Variants in MAPRE2 observed in about 807,000 individuals in gnomAD.
MAPRE2 encodes microtubule-associated protein RP/EB family member 2.
MAPRE2 carries 13 observed loss-of-function variants against 43.2 expected under a neutral mutation model. The ratio of observed to expected loss-of-function variants is 0.30; its 90% CI spans 0.20 to 0.48. The LOEUF (loss-of-function observed/expected upper bound fraction) is 0.48. Among genes scored for constraint, MAPRE2 ranks in the 20% least tolerant of loss-of-function variants. MAPRE2 has a pLI of 0.99. For missense variants in MAPRE2, 161 were observed against 400.2 expected (o/e 0.40, Z 5.10); for synonymous variants, 135 against 148.8 (o/e 0.91, Z 0.68).
At chr18:35,138,336 C>T (rs577628454) in intron 6 of MAPRE2, among the ~76,000 whole-genome samples, 1 of 151,980 alleles carries the variant, frequency 6.6e-6, no homozygotes, top group Non-Finnish European at 1.5e-5. Flanking sequence ...AGAGATTGGG[C>T]CTAACGTTCC....
intron 1 of MAPRE2, among the ~76,000 whole-genome samples, chr18:34,997,058 A>G (rs989718735): frequency 1.3e-5 from 2 of 152,076 alleles, no homozygotes; most frequent in Admixed American, 6.5e-5. Flanking sequence ...GGGGGGTGGG[A>G]GGTTTACAAC....
chr18:35,012,662 T>C (rs539872488), intron 2 of MAPRE2, among the ~76,000 whole-genome samples: 2 of 152,324 alleles, frequency 1.3e-5, no homozygotes, highest in South Asian at 4.1e-4. Flanking sequence ...AAATACTGTA[T>C]GATTCCACTT....
chr18:35,033,062 A>G (rs2097048593), intron 2 of MAPRE2, among the ~76,000 whole-genome samples: 1 of 152,148 alleles, frequency 6.6e-6, no homozygotes, highest in African/African-American at 2.4e-5. Context: ...GTCACCAAAA[A>G]AGAGAATTTT....
At chr18:35,135,138 G>C (rs941974226) in intron 6 of MAPRE2, among the ~76,000 whole-genome samples, 4 of 152,170 alleles carry the variant, frequency 2.6e-5, no homozygotes, top group Non-Finnish European at 5.9e-5. Context: ...GCAACTTTGT[G>C]TCTGCAAAAC....
At chr18:35,044,807 T>C (rs576401155) in intron 1 of MAPRE2, among the ~76,000 whole-genome samples, 1 of 152,314 alleles carries the variant, frequency 6.6e-6, no homozygotes, top group East Asian at 1.9e-4. Context: ...CAGTCACTCT[T>C]TGGAGAAGGA....
intron 2 of MAPRE2, among the ~76,000 whole-genome samples, chr18:35,096,966 T>C (rs1908455122): frequency 6.6e-6 from 1 of 152,228 alleles, no homozygotes; most frequent in Non-Finnish European, 1.5e-5. Flanking sequence ...CTTGAGCATA[T>C]GTGTATTTTT....
intron 2 of MAPRE2, among the ~76,000 whole-genome samples, chr18:35,016,920 G>T (rs2150585638): frequency 6.6e-6 from 1 of 151,650 alleles, no homozygotes; most frequent in South Asian, 2.1e-4. Context: ...TTTTTTCTAG[G>T]ATTCTTACAA....
In MAPRE2 at chr18:35,041,653, T is replaced by C. The variant is rs993749088; in HGVS notation, c.114T>C (p.Arg38=). 30 of 1,614,028 alleles carry C rather than the reference T, an allele frequency of 1.9e-5. No individual in the cohort carries two copies. Among genetic ancestry groups the C allele is most frequent in the Non-Finnish European group, 2.2e-5 (26 of 1,180,034 alleles). The change falls in exon 1 of 7, where the codon CGT becomes CGC. Residue 38 remains arginine (R), a synonymous_variant. Transcript: ENST00000300249. ...PFRKHTVRGE[R]SYSWGMAVNV... Reference sequence around the variant, plus strand: ...GGAAGCACACAGTGCGCGGGGAGCGTTCCTACAGGTAATGGGGCTGGCACG... The same window carrying C: ...GGAAGCACACAGTGCGCGGGGAGCGCTCCTACAGGTAATGGGGCTGGCACG...
chr18:34,993,706 G>T (rs2097024972), intron 1 of MAPRE2, among the ~76,000 whole-genome samples: 1 of 152,146 alleles, frequency 6.6e-6, no homozygotes, highest in Non-Finnish European at 1.5e-5. Flanking sequence ...CCAGGCCGTG[G>T]TGTTACTGTA....
chr18:35,097,616 A>T (rs1219759936), intron 3 of MAPRE2, 25 bp downstream of exon 3: 2 of 1,591,958 alleles, frequency 1.3e-6, no homozygotes, highest in African/African-American at 2.7e-5. Flanking sequence ...CCTCCATAAA[A>T]TGTGTTGTTT....
At chr18:35,090,453 C>T (rs1008646230) in intron 2 of MAPRE2, among the ~76,000 whole-genome samples, 3 of 151,982 alleles carry the variant, frequency 2.0e-5, no homozygotes, top group Non-Finnish European at 4.4e-5. Flanking sequence ...AACTCAGGGC[C>T]GGGCATGGTG....
intron 4 of MAPRE2, 51 bp downstream of exon 4, chr18:35,102,210 C>G (rs1908712542): frequency 1.5e-6 from 2 of 1,349,604 alleles, no homozygotes; most frequent in South Asian, 2.8e-5. Context: ...GATAATGGCT[C>G]AGACCCTTCT....
rs529226547 is a variant in MAPRE2, at chr18:35,061,437, G to A, written c.123-8758G>A. ...TGATATTTCTCCATCATCCTTGTGT[G>A]AAGTCAGTTCCGTGCTCACACCCCT... On this transcript the variant is annotated intron_variant, in intron 1 of 6. Transcript: ENST00000300249. 2.2e-4 allele frequency among the ~76,000 whole-genome samples: 34 copies of A among 152,314 alleles called. No individual in the cohort carries two copies. In the South Asian group the frequency reaches 4.4e-3, roughly 20 times the overall value.
chr18:35,077,262 CACACACACAT>C (rs755466366), intron 2 of MAPRE2, among the ~76,000 whole-genome samples: 4,314 of 113,848 alleles, frequency 0.038, 91 homozygotes, highest in African/African-American at 0.12. Flanking sequence ...CACACACACA[CACACACACAT>C]ACACACACAC....
chr18:35,088,500 G>A lies in MAPRE2; in HGVS notation c.251-8946G>A, dbSNP rs145352970. On this transcript the variant is annotated intron_variant, in intron 2 of 6. Coordinates refer to ENST00000300249, the MANE Select transcript of MAPRE2 (RefSeq NM_014268.4). ...TATGATAGTTTCATAGAAAACCACTGTGATATTCTTAGCAGGAGAGGGATG... is the reference window on the plus strand; with the variant it reads ...TATGATAGTTTCATAGAAAACCACTATGATATTCTTAGCAGGAGAGGGATG... 5.7e-3 allele frequency among the ~76,000 whole-genome samples: 864 copies of A among 152,328 alleles called. 15 individuals are homozygous for A. The highest frequency in any genetic ancestry group is 0.019 in the African/African-American group (793 of 41,578).
intron 1 of MAPRE2, among the ~76,000 whole-genome samples, chr18:34,988,172 A>G (rs930253032): frequency 6.6e-6 from 1 of 152,220 alleles, no homozygotes; most frequent in African/African-American, 2.4e-5. Flanking sequence ...AAAACTGGAC[A>G]AAAGGAGATC....
chr18:35,118,724 C>T (rs1170910081), intron 4 of MAPRE2, among the ~76,000 whole-genome samples: 1 of 152,180 alleles, frequency 6.6e-6, no homozygotes, highest in Non-Finnish European at 1.5e-5. Context: ...TTCCCTTTTC[C>T]CTTGCGAGGT....
intron 2 of MAPRE2, among the ~76,000 whole-genome samples, chr18:35,092,524 G>A (rs544774768): frequency 3.3e-4 from 50 of 152,226 alleles, no homozygotes; most frequent in African/African-American, 1.2e-3. Flanking sequence ...AGAAAACATA[G>A]GGGAAATACT....
intron 1 of MAPRE2, among the ~76,000 whole-genome samples, chr18:34,992,859 CTT>C (rs539114869): frequency 2.8e-3 from 419 of 152,290 alleles, no homozygotes; most frequent in African/African-American, 9.5e-3. Context: ...ACTCAGAAAA[CTT>C]CCTGAGCTCA....
Sources: gnomAD v4.1 joint callset for allele counts (sites outside exome capture counted in the v4.1 genomes callset) on GRCh38, gnomAD v4.1.1 for gene constraint, MANE v1.5 for transcripts, NCBI Gene and HGNC (gene_info 2026-07-23, HGNC 2026-07-21) for gene names.